PFKL: variants seen among roughly 807,000 people sequenced by gnomAD.
The protein encoded by PFKL is ATP-dependent 6-phosphofructokinase, liver type.
Under a neutral mutation model 92.1 loss-of-function variants are expected in PFKL, and 74 were observed. The observed-to-expected ratio is 0.80, with a 90% CI of 0.67 to 0.97. The LOEUF (loss-of-function observed/expected upper bound fraction) is 0.97, where lower values mean the gene tolerates loss of function less well. PFKL is among the 50% of genes least tolerant of loss of function. The probability of loss-of-function intolerance (pLI) is 0.00; values close to 1 mark genes in which losing one functional copy is unlikely to be tolerated. For synonymous variants in PFKL, 494 were observed against 456.4 expected (o/e 1.08, Z -1.05); for missense variants, 1,028 against 1,116.6 (o/e 0.92, Z 1.13).
intron 5 of PFKL, 126 bp downstream of exon 5, chr21:44,313,269 C>A: frequency 9.3e-7 from 1 of 1,077,444 alleles, no homozygotes; most frequent in South Asian, 1.5e-5. Flanking sequence ...CCAGGCCAGC[C>A]GCCCTCAGCC....
chr21:44,318,672 G>A, intron 10 of PFKL, 77 bp downstream of exon 10: 5 of 1,317,836 alleles, frequency 3.8e-6, no homozygotes, highest in Middle Eastern at 2.9e-4. Context: ...ACTGCTCTCT[G>A]GGGGCCCCAG....
chr21:44,324,303 G>A, intron 16 of PFKL, 188 bp from the exon 17 acceptor site: 1 of 625,714 alleles, frequency 1.6e-6, no homozygotes, highest in Non-Finnish European at 2.8e-6. Context: ...GGGGTCGCCT[G>A]GTTGAGAACC....
intron 1 of PFKL, among the ~76,000 whole-genome samples, chr21:44,300,400 G>C (rs1386031334): frequency 6.6e-6 from 1 of 151,978 alleles, no homozygotes; most frequent in East Asian, 1.9e-4. Context: ...CCACGTTCTC[G>C]GCCTCCGCCT....
At position 44,319,317 on chromosome 21, in the gene PFKL, C is replaced by T. The variant is rs373435169; in HGVS notation, c.1063-34C>T. 1.1e-4 allele frequency: 177 copies of T among 1,587,638 alleles called. 1 individual carries two copies. The Middle Eastern group carries it at 3.5e-3, about 31-fold the overall frequency. On this transcript the variant is annotated intron_variant, in intron 10 of 21. Transcript: ENST00000349048. ...TAGCCATGGGTGTGCGGGCCAGGCT[C>T]TCCATAGTCTGTGTTCTGTTTCTCT... is the stretch of plus-strand genomic sequence containing the variant.
intron 9 of PFKL, 122 bp from the exon 10 acceptor site, chr21:44,318,348 C>T: frequency 9.0e-7 from 1 of 1,116,842 alleles, no homozygotes; most frequent in African/African-American, 1.6e-5. Context: ...GCCACCTGTT[C>T]TGGAAGCTTC....
Position 44,308,431 on chromosome 21 carries a change from C to T in PFKL, c.159+1677C>T, listed in dbSNP as rs148395435. 4.8e-3 allele frequency among the ~76,000 whole-genome samples: 733 copies of T among 152,148 alleles called. 4 individuals carry two copies. The highest frequency in any genetic ancestry group is 0.01 in the Middle Eastern group (3 of 294). On this transcript the variant is annotated intron_variant, in intron 2 of 21. Transcript: ENST00000349048. ...CTTGGAAGAATCCACTTGCGAAAAGCGGATTAATAGGGCAGAGGTGCTGGC... is the reference window on the plus strand; with the variant it reads ...CTTGGAAGAATCCACTTGCGAAAAGTGGATTAATAGGGCAGAGGTGCTGGC...
At position 44,320,136 on chromosome 21, in the gene PFKL, C is replaced by T; in HGVS notation, c.1180C>T (p.Pro394Ser). 2 of 1,613,410 alleles carry T rather than the reference C, an allele frequency of 1.2e-6. No homozygotes were observed. Among genetic ancestry groups the T allele is most frequent in the African/African-American group, 1.3e-5 (1 of 75,044 alleles). The part of the protein sequence containing the change: ...IYKLLAHQKP[P>S]KEKSNFSLAI... Reference sequence around the variant, plus strand: ...CAAGCTCCTCGCCCACCAGAAGCCCCCCAAGGAGAAGGTGAGGCAGGGAGC... The same window carrying T: ...CAAGCTCCTCGCCCACCAGAAGCCCTCCAAGGAGAAGGTGAGGCAGGGAGC... Residue 394 changes from proline to serine, a missense_variant, in exon 12 of 22, where the codon CCC (proline) becomes TCC (serine). Pro to Ser is a moderately conservative substitution (Grantham distance 74, BLOSUM62 -1). Coordinates refer to ENST00000349048, the MANE Select transcript of PFKL (RefSeq NM_002626.6).
chr21:44,305,864 G>T, intron 1 of PFKL: 1 of 1,366,148 alleles, frequency 7.3e-7, no homozygotes, highest in Non-Finnish European at 9.8e-7. Flanking sequence ...CCTGGGAGCC[G>T]AGGGCAAGGG....
intron 1 of PFKL, 50 bp from the exon 2 acceptor site, chr21:44,306,631 G>C (rs1294320539): frequency 6.6e-7 from 1 of 1,521,522 alleles, no homozygotes; most frequent in Admixed American, 1.8e-5. Context: ...AGGGTGTCCA[G>C]GGCCTTGCTT....
intron 1 of PFKL, among the ~76,000 whole-genome samples, chr21:44,303,246 G>C (rs1161888114): frequency 1.4e-5 from 2 of 138,888 alleles, no homozygotes; most frequent in Non-Finnish European, 3.1e-5. Context: ...AAACAAACAA[G>C]AAAAAACCCC....
At position 44,316,415 on chromosome 21, in the gene PFKL, T is replaced by A. The variant is rs777153297; in HGVS notation, c.844-17T>A. The A allele has an allele frequency of 1.1e-5, 17 of 1,612,464 alleles. No homozygotes were observed. The South Asian group carries it at 1.9e-4, about 18-fold the overall frequency. The stretch of plus-strand genomic sequence containing the variant: ...GTGGGCTGGGGCTCAGGGCTGGTCC[T>A]TCCCACTGTCCTGCAGCTGGTGGTT... On this transcript the variant is annotated splice_polypyrimidine_tract_variant and intron_variant, in intron 8 of 21. Transcript: ENST00000349048.
Position 44,316,113 on chromosome 21 carries a change from G to A in PFKL, c.748-131G>A, listed in dbSNP as rs1007543733. The A allele has an allele frequency of 3.2e-5, 25 of 781,502 alleles. No individual in the cohort carries two copies. The African/African-American group carries it at 3.7e-4, about 12-fold the overall frequency. The allele number at this position is 781,502 out of a possible 1,614,324, so 48.4% of individuals were successfully genotyped here. On this transcript the variant is annotated intron_variant, in intron 7 of 21. Transcript: ENST00000349048. Reference sequence around the variant, plus strand: ...GCTCCAGGCCTGCTTTCCTCCTGCTGGGTGGGGATTGTGCCCTGGCCCATG... The same window carrying A: ...GCTCCAGGCCTGCTTTCCTCCTGCTAGGTGGGGATTGTGCCCTGGCCCATG...
rs534805886 is a variant in PFKL, at chr21:44,318,610, C to A, written c.1062+15C>A. The stretch of plus-strand genomic sequence containing the variant: ...GCGTGCAGATGGTAAGCCCTGGGCC[C>A]CCCCCATCAGAACCGCCTGGCCCCT... On this transcript the variant is annotated intron_variant, in intron 10 of 21. Transcript: ENST00000349048. The A allele has an allele frequency of 1.4e-6, 2 of 1,457,404 alleles. No individual in the cohort carries two copies. The highest frequency in any genetic ancestry group is 1.4e-5 in the African/African-American group (1 of 69,730). The allele number at this position is 1,457,404 out of a possible 1,614,324, so 90.3% of individuals were successfully genotyped here. A position where few individuals can be genotyped will look rare whatever the true frequency, so the allele number is the denominator to read the frequency against.
In PFKL at chr21:44,323,002, AT is replaced by A; in HGVS notation, c.1451del (p.Ile484ThrfsTer62). ...CCAGCTGGAGTCCATTGTGGAGAACATCCGCATCTATGGTATTCACGCCCTG... is the reference window on the plus strand; with the variant it reads ...CCAGCTGGAGTCCATTGTGGAGAACACCGCATCTATGGTATTCACGCCCTG... ...KGQLESIVENIRIYGIHALLV... is the reference protein window; with the variant it reads ...KGQLESIVENXRIYGIHALLV... On this transcript the variant is annotated frameshift_variant, in exon 15 of 22. Transcript: ENST00000349048. LOFTEE classifies it high-confidence loss of function. 1.9e-6 allele frequency: 3 copies of A among 1,613,076 alleles called. No homozygotes were observed. The highest frequency in any genetic ancestry group is 2.5e-6 in the Non-Finnish European group (3 of 1,179,630).
In PFKL at chr21:44,324,785, C is replaced by T. The variant is rs531333638; in HGVS notation, c.1816-71C>T. The T allele has an allele frequency of 5.1e-6, 8 of 1,583,206 alleles. No homozygotes were observed. In the Admixed American group the frequency reaches 1.2e-4, roughly 24 times the overall value. ...GCGTAGCCCAGTGCTCCTGCTGGCC[C>T]CGGATCGCCGGTCAGCCTGGAATTC... On this transcript the variant is annotated intron_variant, in intron 17 of 21. Coordinates refer to ENST00000349048, the MANE Select transcript of PFKL (RefSeq NM_002626.6).
rs1238105071 is a variant in PFKL, at chr21:44,326,737, TGGTGGCTGA to T, written c.2220_2228del (p.Trp740_Ser743delinsCys). ...CAGGCACCGCATGCCACGGGAGCAG[TGGTGGCTGA>T]GCCTGCGGCTCATGCTGAAGATGCT... On this transcript the variant is annotated inframe_deletion, in exon 22 of 22. Transcript: ENST00000349048. The T allele has an allele frequency of 9.9e-6, 16 of 1,611,518 alleles. No homozygotes were observed.
chr21:44,308,227 T>G (rs933067744), intron 2 of PFKL, among the ~76,000 whole-genome samples: 3 of 152,142 alleles, frequency 2.0e-5, no homozygotes, highest in Non-Finnish European at 4.4e-5. Context: ...GGAGGAGCCT[T>G]AGTCTTGGGA....
chr21:44,303,116 C>A (rs1446352655), intron 1 of PFKL, among the ~76,000 whole-genome samples: 5 of 152,040 alleles, frequency 3.3e-5, no homozygotes, highest in Admixed American at 2.0e-4. Context: ...CATCTGTAAT[C>A]CCAGCTACTC....
chr21:44,301,410 G>A (rs1209265352), intron 1 of PFKL, among the ~76,000 whole-genome samples: 1 of 152,144 alleles, frequency 6.6e-6, no homozygotes, highest in African/African-American at 2.4e-5. Flanking sequence ...GTGGCTCTGG[G>A]TCACGCCTTT....
Sources: gnomAD v4.1 joint callset for allele counts (sites outside exome capture counted in the v4.1 genomes callset) on GRCh38, gnomAD v4.1.1 for gene constraint, MANE v1.5 for transcripts, NCBI Gene and HGNC (gene_info 2026-07-23, HGNC 2026-07-21) for gene names.